Variants in RNF111 observed in about 807,000 individuals in gnomAD.
RNF111 encodes ring finger protein 111, also known as E3 ubiquitin-protein ligase Arkadia.
A neutral mutation model predicts 95.1 loss-of-function variants in RNF111; 17 were observed. The observed-to-expected ratio is 0.18, with a 90% CI of 0.12 to 0.27. RNF111 has a LOEUF of 0.27. Ranked by LOEUF, RNF111 falls within the 10% of genes least tolerant of loss-of-function variation. The probability of loss-of-function intolerance (pLI) is 1.00; values close to 1 mark genes in which losing one functional copy is unlikely to be tolerated. For synonymous variants in RNF111, 440 were observed against 414.8 expected (o/e 1.06, Z -0.74); for missense variants, 1,189 against 1,210.4 (o/e 0.98, Z 0.26).
rs2042683736 is a variant in RNF111 at position 59,066,956 on chromosome 15, A to G, written c.1559A>G (p.His520Arg). The change falls in exon 6 of 14, where the codon CAT becomes CGT. Residue 520 changes from histidine to arginine, a missense_variant. This residue lies in a region of RNF111 where 1,024 missense variants were observed against 925.9 expected (regional missense o/e 1.11). Transcript: ENST00000348370. ...HHFQHHHHHH[H>R]TPHPAVPVSP... ...TTTCAACATCATCACCACCACCACC[A>G]TACTCCCCACCCAGCTGTCCCAGTT... is the stretch of plus-strand genomic sequence containing the variant. 6.2e-7 allele frequency: 1 copy of G among 1,613,884 alleles called. No individual in the cohort carries two copies. The highest frequency in any genetic ancestry group is 8.5e-7 in the Non-Finnish European group (1 of 1,179,978).
At chr15:59,071,797 A>T (rs1234465329) in intron 6 of RNF111, among the ~76,000 whole-genome samples, 1 of 152,218 alleles carries the variant, frequency 6.6e-6, no homozygotes, top group Non-Finnish European at 1.5e-5. Flanking sequence ...TTTCCCTAAA[A>T]TCGTATTCCT....
In RNF111 at chr15:59,058,520, A is replaced by C; in HGVS notation, c.1336A>C (p.Ser446Arg). The C allele has an allele frequency of 6.2e-7, 1 of 1,614,070 alleles. No individual in the cohort carries two copies. Among genetic ancestry groups the C allele is most frequent in the Non-Finnish European group, 8.5e-7 (1 of 1,179,928 alleles). Residue 446 changes from serine (S) to arginine (R), a missense_variant, in exon 5 of 14, where the codon AGC (serine) becomes CGC (arginine). Ser to Arg is a moderately radical substitution (Grantham distance 110, BLOSUM62 -1). This residue lies in a region of RNF111 where 1,024 missense variants were observed against 925.9 expected (regional missense o/e 1.11). Coordinates refer to ENST00000348370, the MANE Select transcript of RNF111 (RefSeq NM_017610.8). ...GTCAGAGACTTCAGCTACTCTTACA[A>C]GCAATAGTACCACTGGCACTTCTAT... ...TVSETSATLTSNSTTGTSIGD... is the reference protein window; with the variant it reads ...TVSETSATLTRNSTTGTSIGD...
intron 10 of RNF111, among the ~76,000 whole-genome samples, chr15:59,088,857 A>G (rs1348786860): frequency 6.6e-6 from 1 of 152,206 alleles, no homozygotes; most frequent in Non-Finnish European, 1.5e-5. Context: ...TATTCTCTCC[A>G]TAAGGTGTAT....
chr15:58,990,159 A>G (rs1450670336), intron 1 of RNF111, among the ~76,000 whole-genome samples: 2 of 151,960 alleles, frequency 1.3e-5, no homozygotes, highest in Non-Finnish European at 2.9e-5. Context: ...TTTATTGTTA[A>G]CCCTCCTTGG....
At chr15:59,060,367 G>T (rs1186778351) in intron 5 of RNF111, among the ~76,000 whole-genome samples, 4 of 151,828 alleles carry the variant, frequency 2.6e-5, no homozygotes, top group Non-Finnish European at 5.9e-5. Flanking sequence ...CTCTTTGGGA[G>T]GCCAGGGACG....
chr15:59,051,469 G>A (rs113110238), intron 2 of RNF111, among the ~76,000 whole-genome samples: 3,969 of 130,020 alleles, frequency 0.031, 199 homozygotes, highest in African/African-American at 0.12. Context: ...AAAAAAAAAA[G>A]GAAAAAAAAA....
intron 1 of RNF111, among the ~76,000 whole-genome samples, chr15:59,011,885 C>G (rs1344786307): frequency 6.6e-6 from 1 of 151,738 alleles, no homozygotes; most frequent in African/African-American, 2.4e-5. Flanking sequence ...TATGTTCCAA[C>G]TGAAGATAAT....
Position 59,091,041 on chromosome 15 carries a change from TA to T in RNF111, c.2644-17del. ...AATCATCTTGGCTTTTACCAGTCAT[TA>T]TATTCTTCACTTTCAGGAACTGATT... is the stretch of plus-strand genomic sequence containing the variant. On this transcript the variant is annotated splice_polypyrimidine_tract_variant and intron_variant, in intron 11 of 13. Coordinates refer to ENST00000348370, the MANE Select transcript of RNF111 (RefSeq NM_017610.8). The T allele has an allele frequency of 6.7e-7, 1 of 1,502,632 alleles. No individual in the cohort carries two copies. The highest frequency in any genetic ancestry group is 9.2e-7 in the Non-Finnish European group (1 of 1,081,478). 93.1% of individuals were successfully genotyped at this position (1,502,632 alleles called of 1,614,324 possible).
chr15:59,022,789 C>G (rs1377844977), intron 1 of RNF111, among the ~76,000 whole-genome samples: 1 of 152,178 alleles, frequency 6.6e-6, no homozygotes, highest in African/African-American at 2.4e-5. Context: ...ATAGACACAT[C>G]CAGTAAGGAG....
chr15:59,078,551 C>T (rs12901578), intron 7 of RNF111, among the ~76,000 whole-genome samples: 2 of 109,542 alleles, frequency 1.8e-5, no homozygotes, highest in South Asian at 3.1e-4. Flanking sequence ...GAACCTGTCT[C>T]TAAAAAAAAA....
At chr15:58,993,428 C>T (rs1015652339) in intron 1 of RNF111, among the ~76,000 whole-genome samples, 9 of 151,848 alleles carry the variant, frequency 5.9e-5, no homozygotes, top group Admixed American at 5.3e-4. Context: ...ATCCCAGCTG[C>T]TTGGGAGGCT....
rs561323947 is a variant in RNF111 at position 59,074,951 on chromosome 15, G to A, written c.1687-1003G>A. Among the ~76,000 whole-genome samples, 3 of 152,326 alleles carry A rather than the reference G, an allele frequency of 2.0e-5. No homozygotes were observed. In the South Asian group the frequency reaches 6.2e-4, roughly 32 times the overall value. ...ATGTTGTTGTGTCTCAGGGAATAGG[G>A]AGGCCCAAAGAGAGGAGAGCAGGGT... is the stretch of plus-strand genomic sequence containing the variant. On this transcript the variant is annotated intron_variant, in intron 6 of 13. Coordinates refer to ENST00000348370, the MANE Select transcript of RNF111 (RefSeq NM_017610.8).
At chr15:59,023,342 A>C (rs1382658509) in intron 1 of RNF111, among the ~76,000 whole-genome samples, 5 of 152,068 alleles carry the variant, frequency 3.3e-5, no homozygotes, top group African/African-American at 1.2e-4. Context: ...ATTTCCCATA[A>C]ATTTTTGCGT....
At chr15:59,038,494 G>C (rs2041292581) in intron 2 of RNF111, among the ~76,000 whole-genome samples, 1 of 152,092 alleles carries the variant, frequency 6.6e-6, no homozygotes, top group African/African-American at 2.4e-5. Flanking sequence ...TTGAGTTATA[G>C]TTTTTGGTTT....
At position 58,998,719 on chromosome 15, in the gene RNF111, C is replaced by G. The variant is rs2039193620; in HGVS notation, c.-20+10651C>G. The stretch of plus-strand genomic sequence containing the variant: ...ATTTATTGCCAAAATAAAATTCAAA[C>G]TTTCAAGCAAAAATTAGAATTGTGG... On this transcript the variant is annotated intron_variant, in intron 1 of 13. Coordinates refer to ENST00000348370, the MANE Select transcript of RNF111 (RefSeq NM_017610.8). Among the ~76,000 whole-genome samples the G allele has an allele frequency of 3.3e-5, 5 of 152,290 alleles. No individual in the cohort carries two copies. In the South Asian group the frequency reaches 1.0e-3, roughly 32 times the overall value.
At chr15:59,063,447 A>G (rs1239288483) in intron 5 of RNF111, among the ~76,000 whole-genome samples, 5 of 152,150 alleles carry the variant, frequency 3.3e-5, no homozygotes, top group African/African-American at 1.2e-4. Flanking sequence ...CTTTAACCAA[A>G]TTATTGTCCC....
At position 59,081,187 on chromosome 15, in the gene RNF111, C is replaced by G. The variant is rs1002499629; in HGVS notation, c.2200C>G (p.His734Asp). 2.8e-5 allele frequency: 46 copies of G among 1,614,206 alleles called. No homozygotes were observed. Among genetic ancestry groups the G allele is most frequent in the Non-Finnish European group, 3.9e-5 (46 of 1,180,034 alleles). The change falls in exon 8 of 14, where the codon CAT (histidine) becomes GAT (aspartate). Residue 734 changes from histidine to aspartate, a missense_variant. Physicochemically the swap from His to Asp is moderately conservative, Grantham distance 81. Coordinates refer to ENST00000348370, the MANE Select transcript of RNF111 (RefSeq NM_017610.8). ...LPPTHQPISHHIPATAPPAQR... is the reference protein window; with the variant it reads ...LPPTHQPISHDIPATAPPAQR... ...TCCTACACACCAGCCAATTTCGCAC[C>G]ATATTCCAGCCACAGCACCTCCAGC...
intron 1 of RNF111, among the ~76,000 whole-genome samples, chr15:59,011,235 C>G (rs1241814834): frequency 6.6e-6 from 1 of 152,128 alleles, no homozygotes; most frequent in South Asian, 2.1e-4. Flanking sequence ...TACACCCTAC[C>G]CTTCAGAATC....
At chr15:59,094,064 C>G (rs1301432915) in intron 13 of RNF111, among the ~76,000 whole-genome samples, 3 of 152,114 alleles carry the variant, frequency 2.0e-5, no homozygotes, top group African/African-American at 7.2e-5. Flanking sequence ...TAATGTTACC[C>G]TATCTTGCTT....
Sources: allele counts gnomAD v4.1 joint callset (sites outside exome capture counted in the v4.1 genomes callset), GRCh38; gene constraint gnomAD v4.1.1; regional missense constraint gnomAD v4.1.1; transcripts MANE v1.5; gene names NCBI Gene and HGNC (gene_info 2026-07-23, HGNC 2026-07-21).